The following ZNF358 variants were observed in gnomAD, a reference collection of about 807,000 sequenced individuals.
ZNF358 encodes zinc finger protein 358.
ZNF358 carries 1 observed loss-of-function variant against 2.1 expected under a neutral mutation model. The observed-to-expected ratio is 0.49, with a 90% CI of 0.17 to 2.30. The LOEUF (loss-of-function observed/expected upper bound fraction) is 2.30. Among genes scored for constraint, ZNF358 ranks in the 30% most tolerant of loss-of-function variants. The pLI is 0.26. For missense variants in ZNF358, 665 were observed against 806.8 expected, an observed-to-expected ratio of 0.82 and a Z score of 2.13; for synonymous variants, 381 against 359.7, an observed-to-expected ratio of 1.06 and a Z score of -0.67.
chr19:7,520,030 A>T lies in ZNF358; in HGVS notation c.788A>T (p.His263Leu). The change falls in exon 2 of 2, where the codon CAC (histidine) becomes CTC (leucine). Residue 263 changes from histidine (H) to leucine (L), a missense_variant. By Grantham distance (99) the His-to-Leu change is moderately conservative (BLOSUM62 -3). This residue lies in a region of ZNF358 where 210 missense variants were observed against 350.8 expected (regional missense o/e 0.60). Coordinates refer to ENST00000597229, the MANE Select transcript of ZNF358 (RefSeq NM_018083.5). The surrounding 1 kb of genome is among the most constrained non-coding windows in gnomAD (Gnocchi z 6.0). ...HLRTHGGPRP[H>L]KCPVCAKGFG... ...CGCACGCACGGCGGCCCGCGGCCCC[A>T]CAAGTGCCCGGTGTGCGCCAAGGGC... is the stretch of plus-strand genomic sequence containing the variant. 1 of 1,540,748 alleles carries T rather than the reference A, an allele frequency of 6.5e-7. No individual in the cohort carries two copies. The highest frequency in any genetic ancestry group is 8.7e-7 in the Non-Finnish European group (1 of 1,150,598).
chr19:7,516,457 C>T lies in ZNF358; in HGVS notation c.-39+208C>T, dbSNP rs555960067. ...GCCAGCTCCGGCCTAGCGCACCCAT[C>T]CCGCCGCTGGGGCCCGGGGGGAAAG... On this transcript the variant is annotated intron_variant, in intron 1 of 1. Coordinates refer to ENST00000597229, the MANE Select transcript of ZNF358 (RefSeq NM_018083.5). The surrounding 1 kb of genome is among the most constrained non-coding windows in gnomAD (Gnocchi z 5.9). Among the ~76,000 whole-genome samples the T allele has an allele frequency of 1.3e-5, 2 of 150,310 alleles. No individual in the cohort carries two copies. Among genetic ancestry groups the T allele is most frequent in the South Asian group, 2.1e-4 (1 of 4,726 alleles).
chr19:7,518,603 T>TAGAAA (rs2022394724), intron 1 of ZNF358, among the ~76,000 whole-genome samples: 1 of 39,554 alleles, frequency 2.5e-5, no homozygotes, highest in African/African-American at 8.5e-5. Flanking sequence ...AAGAAAGAAT[T>TAGAAA]GAAGTTAGCT....
Position 7,519,854 on chromosome 19 carries a change from G to A in ZNF358, c.612G>A (p.Ala204=), listed in dbSNP as rs1378363382. ...AGCACCGTGGCATCCACACTGGGGCGCGGCCGTACCAGTGCGCGGCCTGCG... is the reference window on the plus strand; with the variant it reads ...AGCACCGTGGCATCCACACTGGGGCACGGCCGTACCAGTGCGCGGCCTGCG... The part of the protein sequence containing the change: ...LAQHRGIHTG[A]RPYQCAACGK... Residue 204 remains alanine (A), a synonymous_variant, in exon 2 of 2, where the codon GCG becomes GCA. Transcript: ENST00000597229. The A allele has an allele frequency of 9.8e-6, 15 of 1,531,756 alleles. No individual in the cohort carries two copies. In the East Asian group the frequency reaches 1.2e-4, roughly 13 times the overall value. The allele number at this position is 1,531,756 out of a possible 1,614,324, so 94.9% of individuals were successfully genotyped here. A position where few individuals can be genotyped will look rare whatever the true frequency, so the allele number is the denominator to read the frequency against.
intron 1 of ZNF358, 107 bp from the exon 2 acceptor site, chr19:7,519,097 TC>T: frequency 7.9e-7 from 1 of 1,264,838 alleles, no homozygotes. Context: ...AGAAGTGGGT[TC>T]TGGGGGCACA....
At position 7,520,632 on chromosome 19, in the gene ZNF358, C is replaced by A; in HGVS notation, c.1390C>A (p.Pro464Thr). ...CACCAGCTCTGGCCGCAACCCTGAC[C>A]CTGGCTCTGGGCCGGGCACTCTGCC... ...PGTSSGRNPD[P>T]GSGPGTLPDP... Residue 464 changes from proline (P) to threonine (T), a missense_variant, in exon 2 of 2, where the codon CCT becomes ACT. Pro to Thr is a conservative substitution (Grantham distance 38). This residue lies in a region of ZNF358 where 249 missense variants were observed against 227.6 expected (regional missense o/e 1.09). Transcript: ENST00000597229. The surrounding 1 kb of genome is among the most constrained non-coding windows in gnomAD (Gnocchi z 6.0). 6.5e-7 allele frequency: 1 copy of A among 1,548,754 alleles called. No homozygotes were observed. The highest frequency in any genetic ancestry group is 8.8e-7 in the Non-Finnish European group (1 of 1,138,132).
At chr19:7,518,557 G>GAAAGAAAGAAAGAAAGAAAGAAAGAA (rs3029870) in intron 1 of ZNF358, among the ~76,000 whole-genome samples, 18 of 116,170 alleles carry the variant, frequency 1.5e-4, no homozygotes, top group East Asian at 7.8e-4. Flanking sequence ...GAGAGAGAGA[G>GAAAGAAAGAAAGAAAGAAAGAAAGAA]AGAAAGAAAG....
At chr19:7,515,236 C>T (rs1235153597), upstream of ZNF358, 1 of 152,076 alleles carries the variant, frequency 6.6e-6, no homozygotes, top group Admixed American at 6.6e-5. Context: ...ACATCGCGGC[C>T]CAGCCATCAG....
At chr19:7,517,134 G>A (rs979726732) in intron 1 of ZNF358, among the ~76,000 whole-genome samples, 22 of 152,106 alleles carry the variant, frequency 1.4e-4, no homozygotes, top group African/African-American at 4.8e-4. Flanking sequence ...CAGCCATGGG[G>A]TGGGGAGCTC....
At chr19:7,517,172 G>A (rs1042616000) in intron 1 of ZNF358, among the ~76,000 whole-genome samples, 2 of 152,066 alleles carry the variant, frequency 1.3e-5, no homozygotes, top group African/African-American at 4.8e-5. Context: ...GGTCATCCTG[G>A]GCTCCCATTG....
rs1318373040 is a variant in ZNF358 at position 7,516,495 on chromosome 19, G to T, written c.-39+246G>T. 6.6e-6 allele frequency among the ~76,000 whole-genome samples: 1 copy of T among 151,960 alleles called. No individual in the cohort carries two copies. The highest frequency in any genetic ancestry group is 1.5e-5 in the Non-Finnish European group (1 of 67,918). Reference sequence around the variant, plus strand: ...CCCGGGGGGAAAGGGCCAGGAGGTTGGGAGCCTTCAATCGGGCGGGGTGGG... The same window carrying T: ...CCCGGGGGGAAAGGGCCAGGAGGTTTGGAGCCTTCAATCGGGCGGGGTGGG... On this transcript the variant is annotated intron_variant, in intron 1 of 1. Coordinates refer to ENST00000597229, the MANE Select transcript of ZNF358 (RefSeq NM_018083.5). The surrounding 1 kb of genome is among the most constrained non-coding windows in gnomAD (Gnocchi z 5.9).
intron 1 of ZNF358, among the ~76,000 whole-genome samples, chr19:7,518,019 C>T (rs2022368749): frequency 6.6e-6 from 1 of 152,218 alleles, no homozygotes; most frequent in Non-Finnish European, 1.5e-5. Flanking sequence ...CGCTGACACC[C>T]ACACTGTTCC....
Position 7,520,554 on chromosome 19 carries a change from C to T in ZNF358, c.1312C>T (p.Leu438=). 1 of 1,275,268 alleles carries T rather than the reference C, an allele frequency of 7.8e-7. No individual in the cohort carries two copies. The highest frequency in any genetic ancestry group is 1.3e-5 in the South Asian group (1 of 78,610). 79.0% of individuals were successfully genotyped at this position (1,275,268 alleles called of 1,614,324 possible). ...SMMRPGQVSL[L]GPDAVSVLGS... ...GATGAGGCCGGGGCAGGTCTCCCTCCTGGGTCCTGATGCTGTTTCTGTGCT... is the reference window on the plus strand; with the variant it reads ...GATGAGGCCGGGGCAGGTCTCCCTCTTGGGTCCTGATGCTGTTTCTGTGCT... The change falls in exon 2 of 2, where the codon CTG becomes TTG. Residue 438 remains leucine, a synonymous_variant. Coordinates refer to ENST00000597229, the MANE Select transcript of ZNF358 (RefSeq NM_018083.5). The surrounding 1 kb of genome is among the most constrained non-coding windows in gnomAD (Gnocchi z 6.0).
At position 7,516,529 on chromosome 19, in the gene ZNF358, G is replaced by A. The variant is rs1314645030; in HGVS notation, c.-39+280G>A. Among the ~76,000 whole-genome samples the A allele has an allele frequency of 2.0e-5, 3 of 151,984 alleles. No individual in the cohort carries two copies. Among genetic ancestry groups the A allele is most frequent in the African/African-American group, 7.2e-5 (3 of 41,424 alleles). ...CAATCGGGCGGGGTGGGGGGCGCCC[G>A]CCAGCTCTGGGGTCTGGAGCTCAGG... On this transcript the variant is annotated intron_variant, in intron 1 of 1. Coordinates refer to ENST00000597229, the MANE Select transcript of ZNF358 (RefSeq NM_018083.5). This position sits in a 1 kb window ranked among gnomAD's most constrained non-coding sequence, Gnocchi z 5.9.
At chr19:7,514,231 A>G (rs1335955575), upstream of ZNF358, among the ~76,000 whole-genome samples, 1 of 152,122 alleles carries the variant, frequency 6.6e-6, no homozygotes, top group Non-Finnish European at 1.5e-5. Context: ...TGGCCAGGGG[A>G]TAGGGGCCCT....
intron 1 of ZNF358, among the ~76,000 whole-genome samples, chr19:7,517,813 T>C (rs567274341): frequency 6.6e-6 from 1 of 152,314 alleles, no homozygotes; most frequent in South Asian, 2.1e-4. Context: ...GCCAGAGTCT[T>C]CTTGTCTTTC....
upstream of ZNF358, chr19:7,513,939 A>G (rs1193070803): frequency 6.6e-6 from 1 of 152,208 alleles, no homozygotes; most frequent in Non-Finnish European, 1.5e-5. Context: ...ATCCACTAAA[A>G]CCAGCTCAAA....
chr19:7,519,951 TGCCCGGTGTGTG>T lies in ZNF358; in HGVS notation c.712_723del (p.Pro238_Gly241del). 1 of 1,522,426 alleles carries T rather than the reference TGCCCGGTGTGTG, an allele frequency of 6.6e-7. No homozygotes were observed. Among genetic ancestry groups the T allele is most frequent in the Non-Finnish European group, 8.8e-7 (1 of 1,139,860 alleles). The allele number at this position is 1,522,426 out of a possible 1,614,324, so 94.3% of individuals were successfully genotyped here. Reference sequence around the variant, plus strand: ...CCACAGCGGGGAGAAGCCGCACCACTGCCCGGTGTGTGGCAAGGCCTTCGGGCACGGCTCGCT... The same window carrying T: ...CCACAGCGGGGAGAAGCCGCACCACTGCAAGGCCTTCGGGCACGGCTCGCT... On this transcript the variant is annotated inframe_deletion, in exon 2 of 2. Transcript: ENST00000597229.
In ZNF358 at chr19:7,520,487, C is replaced by T. The variant is rs972115559; in HGVS notation, c.1245C>T (p.Ala415=). Residue 415 remains alanine (A), a synonymous_variant, in exon 2 of 2, where the codon GCC becomes GCT. Transcript: ENST00000597229. The surrounding 1 kb of genome is among the most constrained non-coding windows in gnomAD (Gnocchi z 6.0). The part of the protein sequence containing the change: ...AAAAAAAAAA[A]AGLGLGPGLS... ...CGGCCGCTGCAGCTGCAGCAGCGGC[C>T]GCCGGCCTGGGCCTCGGGCCTGGCC... The T allele has an allele frequency of 3.3e-6, 4 of 1,223,436 alleles. No homozygotes were observed. Among genetic ancestry groups the T allele is most frequent in the African/African-American group, 1.6e-5 (1 of 61,572 alleles). 75.8% of individuals were successfully genotyped at this position (1,223,436 alleles called of 1,614,324 possible).
chr19:7,520,303 A>G lies in ZNF358; in HGVS notation c.1061A>G (p.Lys354Arg). 1.2e-6 allele frequency: 2 copies of G among 1,611,370 alleles called. No individual in the cohort carries two copies. Among genetic ancestry groups the G allele is most frequent in the Non-Finnish European group, 1.7e-6 (2 of 1,179,630 alleles). ...ERPYACPHCS[K>R]AFGQSSALLQ... ...CCCTACGCCTGCCCGCACTGCTCCA[A>G]GGCCTTCGGCCAGAGCTCAGCGCTG... The change falls in exon 2 of 2, where the codon AAG (lysine) becomes AGG (arginine). Residue 354 changes from lysine to arginine, a missense_variant. Coordinates refer to ENST00000597229, the MANE Select transcript of ZNF358 (RefSeq NM_018083.5). This position sits in a 1 kb window ranked among gnomAD's most constrained non-coding sequence, Gnocchi z 6.0.
Sources: gnomAD v4.1 joint callset for allele counts (sites outside exome capture counted in the v4.1 genomes callset) on GRCh38, gnomAD v4.1.1 for gene constraint, gnomAD v4.1.1 regional missense constraint, Gnocchi (gnomAD v3.1) non-coding constraint, MANE v1.5 for transcripts, NCBI Gene and HGNC (gene_info 2026-07-23, HGNC 2026-07-21) for gene names.